Variants in SHC3 observed in about 807,000 individuals in gnomAD.
SHC3 encodes SHC-transforming protein 3.
SHC3 carries 15 observed loss-of-function variants against 60.4 expected under a neutral mutation model. That is an observed-to-expected ratio of 0.25 (90% confidence interval 0.17 to 0.38). SHC3 has a LOEUF of 0.38. SHC3 is among the 10% of genes least tolerant of loss of function. The probability of loss-of-function intolerance (pLI) is 1.00; values close to 1 mark genes in which losing one functional copy is unlikely to be tolerated. For synonymous variants in SHC3, 294 were observed against 325.9 expected (o/e 0.90, Z 1.05); for missense variants, 677 against 786.1 (o/e 0.86, Z 1.66).
intron 6 of SHC3, among the ~76,000 whole-genome samples, chr9:89,056,905 C>A (rs1466695829): frequency 1.3e-5 from 2 of 152,254 alleles, no homozygotes; most frequent in Non-Finnish European, 2.9e-5. Context: ...GGATCCATGC[C>A]CCACTTTCAG....
chr9:89,124,607 C>T (rs1310572705), intron 1 of SHC3, among the ~76,000 whole-genome samples: 2 of 152,076 alleles, frequency 1.3e-5, no homozygotes, highest in East Asian at 1.9e-4. Context: ...AAACACTGCA[C>T]GTTCTCACTC....
chr9:89,059,172 G>A (rs1344729456), intron 6 of SHC3, among the ~76,000 whole-genome samples: 4 of 144,790 alleles, frequency 2.8e-5, no homozygotes, highest in Admixed American at 6.8e-5. Context: ...GGAGGACCGT[G>A]GTGTAGGACA....
chr9:89,099,552 C>T (rs1825753614), intron 2 of SHC3, among the ~76,000 whole-genome samples: 1 of 152,108 alleles, frequency 6.6e-6, no homozygotes, highest in Admixed American at 6.5e-5. Context: ...AATGCTTGAC[C>T]TTTCCAGAAG....
At chr9:89,082,248 G>A (rs1392356896) in intron 2 of SHC3, among the ~76,000 whole-genome samples, 1 of 152,114 alleles carries the variant, frequency 6.6e-6, no homozygotes, top group Non-Finnish European at 1.5e-5. Context: ...AATGGACAGT[G>A]TCTGTTCTTC....
At position 89,178,044 on chromosome 9, in the gene SHC3, C is replaced by T. The variant is rs550410351; in HGVS notation, c.417G>A (p.Arg139=). The change falls in exon 1 of 12, where the codon CGG becomes CGA. Residue 139 remains arginine (R), a synonymous_variant. Transcript: ENST00000375835. This position sits in a 1 kb window ranked among gnomAD's most constrained non-coding sequence, Gnocchi z 6.9. ...CCTGGTCGCTGGCGTGCGGCGCCCC[C>T]CGAGGGGGCCTGGGCAGCGGCTCGT... ...PGDEPLPRPP[R]GAPHASDQVL... The T allele has an allele frequency of 4.6e-5, 56 of 1,228,900 alleles. No individual in the cohort carries two copies. Among genetic ancestry groups the T allele is most frequent in the Non-Finnish European group, 5.3e-5 (52 of 986,248 alleles). 76.1% of individuals were successfully genotyped at this position (1,228,900 alleles called of 1,614,324 possible).
At chr9:89,116,388 G>A (rs928073589) in intron 1 of SHC3, among the ~76,000 whole-genome samples, 1 of 151,882 alleles carries the variant, frequency 6.6e-6, no homozygotes, top group Non-Finnish European at 1.5e-5. Flanking sequence ...AGAGTGATGT[G>A]GATACACCAC....
chr9:89,161,261 G>A (rs879516670), intron 1 of SHC3, among the ~76,000 whole-genome samples: 3 of 152,156 alleles, frequency 2.0e-5, no homozygotes, highest in Non-Finnish European at 4.4e-5. Context: ...CTGTTCTGGC[G>A]ATAGCAAGTG....
At chr9:89,112,474 T>C in intron 2 of SHC3, 82 bp downstream of exon 2, 1 of 1,494,294 alleles carries the variant, frequency 6.7e-7, no homozygotes, top group African/African-American at 1.4e-5. Context: ...GGTCTTTTCT[T>C]CTAAAAATGT....
chr9:89,135,947 G>A (rs1047782124), intron 1 of SHC3, among the ~76,000 whole-genome samples: 4 of 152,058 alleles, frequency 2.6e-5, no homozygotes, highest in South Asian at 2.1e-4. Flanking sequence ...TATTGCTGTC[G>A]TACTCCTTGT....
intron 1 of SHC3, among the ~76,000 whole-genome samples, chr9:89,133,574 T>C (rs1242738356): frequency 6.6e-6 from 1 of 152,160 alleles, no homozygotes; most frequent in African/African-American, 2.4e-5. Flanking sequence ...TGGAATACTA[T>C]GCAGCCATAA....
At chr9:89,075,321 C>T in intron 3 of SHC3, 93 bp from the exon 4 acceptor site, 2 of 1,499,142 alleles carry the variant, frequency 1.3e-6, no homozygotes, top group Non-Finnish European at 1.8e-6. Flanking sequence ...CTCTCACTAA[C>T]TGTTCCTCCC....
chr9:89,048,257 A>AAAAT lies in SHC3; in HGVS notation c.963-1264_963-1263insATTT, dbSNP rs1824805783. Among the ~76,000 whole-genome samples, 5 of 146,018 alleles carry AAAAT rather than the reference A, an allele frequency of 3.4e-5. 1 individual carries two copies. Among genetic ancestry groups the AAAAT allele is most frequent in the Admixed American group, 6.8e-5 (1 of 14,754 alleles). On this transcript the variant is annotated intron_variant, in intron 7 of 11. Coordinates refer to ENST00000375835, the MANE Select transcript of SHC3 (RefSeq NM_016848.6). ...AGACTCCATTAAAAAAAAAAAAAAAAGGTAGAAGTACCCAACTGTCCATAA... is the reference window on the plus strand; with the variant it reads ...AGACTCCATTAAAAAAAAAAAAAAAAAAATGGTAGAAGTACCCAACTGTCCATAA...
chr9:89,079,221 A>C (rs1455965142), intron 2 of SHC3, among the ~76,000 whole-genome samples: 1 of 152,258 alleles, frequency 6.6e-6, no homozygotes, highest in Non-Finnish European at 1.5e-5. Flanking sequence ...TGTTTCTATC[A>C]AAGTGACCAA....
intron 2 of SHC3, among the ~76,000 whole-genome samples, chr9:89,108,227 C>G (rs117826282): frequency 0.01 from 1,578 of 152,200 alleles, 13 homozygotes; most frequent in South Asian, 0.034. Context: ...TCAGAACTAT[C>G]CCTGGCCAGA....
At chr9:89,147,607 C>G (rs560848237) in intron 1 of SHC3, among the ~76,000 whole-genome samples, 7 of 152,098 alleles carry the variant, frequency 4.6e-5, no homozygotes, top group Non-Finnish European at 7.4e-5. Context: ...CGAGTAAAAA[C>G]CTTTCTGATC....
At chr9:89,146,199 ATACAAAAATTAG>A (rs759496620) in intron 1 of SHC3, among the ~76,000 whole-genome samples, 5,188 of 152,126 alleles carry the variant, frequency 0.034, 173 homozygotes, top group African/African-American at 0.082. Flanking sequence ...TCTACTAAAA[ATACAAAAATTAG>A]CTGGGGGTCG....
At chr9:89,158,520 T>C (rs1374959391) in intron 1 of SHC3, among the ~76,000 whole-genome samples, 1 of 152,208 alleles carries the variant, frequency 6.6e-6, no homozygotes, top group Non-Finnish European at 1.5e-5. Flanking sequence ...TCTATGTATG[T>C]CCGTTAGATC....
intron 1 of SHC3, among the ~76,000 whole-genome samples, chr9:89,170,899 T>G (rs1826859960): frequency 6.6e-6 from 1 of 152,206 alleles, no homozygotes; most frequent in African/African-American, 2.4e-5. Flanking sequence ...TGCACCAGTT[T>G]ATATCAGGGA....
intron 1 of SHC3, among the ~76,000 whole-genome samples, chr9:89,146,907 A>G (rs1415731389): frequency 6.6e-6 from 1 of 152,186 alleles, no homozygotes; most frequent in Admixed American, 6.5e-5. Context: ...TTTTCTTCCA[A>G]AGCTGAACAT....
Sources: allele counts gnomAD v4.1 joint callset (sites outside exome capture counted in the v4.1 genomes callset), GRCh38; gene constraint gnomAD v4.1.1; non-coding constraint Gnocchi (gnomAD v3.1); transcripts MANE v1.5; gene names NCBI Gene and HGNC (gene_info 2026-07-23, HGNC 2026-07-21).